Variants in CDRT4 observed in about 807,000 individuals in gnomAD.
The protein encoded by CDRT4 is CMT1A duplicated region transcript 4 protein.
For missense variants in CDRT4, 167 were observed against 193.1 expected (o/e 0.87, Z 0.80); for synonymous variants, 64 against 69.6 (o/e 0.92, Z 0.40).
chr17:15,455,280 C>T (rs150971646), intron 1 of CDRT4, among the ~76,000 whole-genome samples: 263 of 152,294 alleles, frequency 1.7e-3, no homozygotes, highest in African/African-American at 5.8e-3. Context: ...GCTATGCCAA[C>T]AAAGCTATCT....
At chr17:15,465,442 C>T (rs945209584) in intron 1 of CDRT4, among the ~76,000 whole-genome samples, 9 of 151,296 alleles carry the variant, frequency 5.9e-5, no homozygotes, top group Non-Finnish European at 3.0e-5. Flanking sequence ...CAGTACCAGA[C>T]ACACCAACAC....
chr17:15,438,997 G>A (rs1354410551), intron 3 of CDRT4: 4 of 386,748 alleles, frequency 1.0e-5, no homozygotes, highest in Non-Finnish European at 2.1e-5. Flanking sequence ...CGAGGGGGGT[G>A]GGTGTTGCTA....
At position 15,436,166 on chromosome 17, in the gene CDRT4, A is replaced by T. The variant is rs1567606751; in HGVS notation, c.*1607T>A. The T allele has an allele frequency of 6.6e-6, 1 of 152,228 alleles. No individual in the cohort carries two copies. Among genetic ancestry groups the T allele is most frequent in the Non-Finnish European group, 1.5e-5 (1 of 68,054 alleles). 9.4% of individuals were successfully genotyped at this position (152,228 alleles called of 1,614,324 possible). Reference sequence around the variant, plus strand: ...AGTTGGGAACCAATAACAGGTCTAGAGCTCCTAATTTAGGCAGCTGTCCCA... The same window carrying T: ...AGTTGGGAACCAATAACAGGTCTAGTGCTCCTAATTTAGGCAGCTGTCCCA... On this transcript the variant is annotated 3_prime_UTR_variant, in exon 4 of 4. Coordinates refer to ENST00000619038, the MANE Select transcript of CDRT4 (RefSeq NM_001204477.2).
At chr17:15,456,458 G>A (rs991939028) in intron 1 of CDRT4, among the ~76,000 whole-genome samples, 1 of 152,062 alleles carries the variant, frequency 6.6e-6, no homozygotes, top group African/African-American at 2.4e-5. Flanking sequence ...CCAGATCAAA[G>A]TGTCAGGTTC....
At chr17:15,458,507 C>T (rs553920281) in intron 1 of CDRT4, among the ~76,000 whole-genome samples, 2 of 152,150 alleles carry the variant, frequency 1.3e-5, no homozygotes, top group Non-Finnish European at 2.9e-5. Flanking sequence ...TAGAGTCCTA[C>T]TCAGTAGCGG....
intron 1 of CDRT4, among the ~76,000 whole-genome samples, chr17:15,462,300 C>T (rs1408789157): frequency 1.3e-5 from 2 of 151,810 alleles, no homozygotes; most frequent in African/African-American, 4.8e-5. Context: ...TGGTGGCGGG[C>T]ACCTGTAGTC....
In CDRT4 at chr17:15,438,150, G is replaced by C. The variant is rs761924459; in HGVS notation, c.82C>G (p.Pro28Ala). 3.7e-6 allele frequency: 6 copies of C among 1,614,066 alleles called. No homozygotes were observed. Among genetic ancestry groups the C allele is most frequent in the Non-Finnish European group, 3.4e-6 (4 of 1,180,014 alleles). ...LPRKLLEKHD[P>A]WPAYVTYTSQ... ...GTATAGGTGACATAGGCCGGCCAGG[G>C]GTCATGTTTTTCAAGTAGCTTCCGG... Residue 28 changes from proline to alanine, a missense_variant, in exon 4 of 4, where the codon CCC becomes GCC. Transcript: ENST00000619038.
Position 15,437,773 on chromosome 17 carries a change from T to A in CDRT4, c.459A>T (p.Ter153CysextTer10). The A allele has an allele frequency of 6.2e-7, 1 of 1,611,380 alleles. No individual in the cohort carries two copies. Among genetic ancestry groups the A allele is most frequent in the Non-Finnish European group, 8.5e-7 (1 of 1,177,678 alleles). The change falls in exon 4 of 4, where the codon TGA becomes TGT. Residue 153 changes from the stop codon to cysteine, a stop_lost. Transcript: ENST00000619038. ...MMRMLPTVRY[*>C] ...ACATTTGCATGTTTCTCCTTGTTGGTCAGTAGCGAACTGTAGGGAGCATCC... is the reference window on the plus strand; with the variant it reads ...ACATTTGCATGTTTCTCCTTGTTGGACAGTAGCGAACTGTAGGGAGCATCC...
intron 2 of CDRT4, among the ~76,000 whole-genome samples, chr17:15,451,050 C>A (rs756567791): frequency 5.3e-5 from 8 of 152,188 alleles, no homozygotes; most frequent in African/African-American, 1.4e-4. Context: ...TATGTCCCCA[C>A]CCAAATCTCA....
chr17:15,443,549 C>A (rs914581003), intron 2 of CDRT4: 4 of 218,930 alleles, frequency 1.8e-5, no homozygotes, highest in African/African-American at 9.6e-5. Context: ...TCCCAAAGTG[C>A]CGGGATTATA....
intron 1 of CDRT4, among the ~76,000 whole-genome samples, chr17:15,454,083 T>G: frequency 6.6e-6 from 1 of 152,118 alleles, no homozygotes; most frequent in East Asian, 1.9e-4. Flanking sequence ...TTGCCAAAAC[T>G]GAGTCACTAC....
At chr17:15,442,994 C>T (rs547021220) in intron 2 of CDRT4, among the ~76,000 whole-genome samples, 6 of 152,262 alleles carry the variant, frequency 3.9e-5, no homozygotes, top group East Asian at 1.9e-4. Flanking sequence ...GGAGGCAGAG[C>T]GTTGAAGCGG....
rs1473129038 is a variant in CDRT4 at position 15,464,963 on chromosome 17, ACAC to A, written c.-130+2494_-130+2496del. On this transcript the variant is annotated intron_variant, in intron 1 of 3. Coordinates refer to ENST00000619038, the MANE Select transcript of CDRT4 (RefSeq NM_001204477.2). This position sits in a 1 kb window ranked among gnomAD's most constrained non-coding sequence, Gnocchi z 4.5. Reference sequence around the variant, plus strand: ...CACACACACCAACACACAGACACACACACCAACAGACACACCAACACACAGACA... The same window carrying A: ...CACACACACCAACACACAGACACACACAACAGACACACCAACACACAGACA... Among the ~76,000 whole-genome samples the A allele has an allele frequency of 4.6e-5, 7 of 151,730 alleles. No individual in the cohort carries two copies. The highest frequency in any genetic ancestry group is 1.7e-4 in the African/African-American group (7 of 41,388).
At chr17:15,449,551 C>A (rs186709154) in intron 2 of CDRT4, among the ~76,000 whole-genome samples, 94 of 152,268 alleles carry the variant, frequency 6.2e-4, no homozygotes, top group Admixed American at 4.8e-3. Flanking sequence ...GCAACTCTTT[C>A]TTTTTTTAAT....
Position 15,437,618 on chromosome 17 carries a change from T to C in CDRT4, c.*155A>G, listed in dbSNP as rs1470696648. On this transcript the variant is annotated 3_prime_UTR_variant, in exon 4 of 4. Transcript: ENST00000619038. ...CCCACCTACAGCTTGCATTCTGATC[T>C]GGTTTCTCTTAGCCAAGCTCCGCAT... 1.3e-6 allele frequency: 1 copy of C among 749,758 alleles called. No homozygotes were observed. The highest frequency in any genetic ancestry group is 2.8e-5 in the Admixed American group (1 of 35,562). The allele number at this position is 749,758 out of a possible 1,614,324, so 46.4% of individuals were successfully genotyped here.
At chr17:15,443,606 G>A (rs1298001851) in intron 2 of CDRT4, 2 of 319,344 alleles carry the variant, frequency 6.3e-6, no homozygotes, top group East Asian at 1.8e-4. Flanking sequence ...AAAATGTCTG[G>A]TAATTGCTTT....
chr17:15,449,156 G>A (rs1254691827), intron 2 of CDRT4, among the ~76,000 whole-genome samples: 2 of 152,254 alleles, frequency 1.3e-5, no homozygotes, highest in Admixed American at 6.5e-5. Context: ...TAAACTTGGT[G>A]AGAGGAAAAC....
At chr17:15,465,435 T>C (rs1979988656) in intron 1 of CDRT4, among the ~76,000 whole-genome samples, 2 of 122,032 alleles carry the variant, frequency 1.6e-5, no homozygotes, top group Non-Finnish European at 3.4e-5. Flanking sequence ...CATACACCAG[T>C]ACCAGACACA....
intron 1 of CDRT4, among the ~76,000 whole-genome samples, chr17:15,454,406 C>T (rs1007119402): frequency 5.5e-4 from 84 of 152,168 alleles, no homozygotes; most frequent in Non-Finnish European, 2.9e-4. Flanking sequence ...ATACACAGCC[C>T]TGAGCAGAAC....
Sources: gnomAD v4.1 joint callset for allele counts (sites outside exome capture counted in the v4.1 genomes callset) on GRCh38, gnomAD v4.1.1 for gene constraint, Gnocchi (gnomAD v3.1) non-coding constraint, MANE v1.5 for transcripts, NCBI Gene and HGNC (gene_info 2026-07-23, HGNC 2026-07-21) for gene names.